The following NCAM2 variants were observed in gnomAD, a reference collection of about 807,000 sequenced individuals.
NCAM2 encodes the protein N-CAM-2.
In NCAM2, 30 loss-of-function variants were observed where a neutral mutation model predicts 98.1. That is an observed-to-expected ratio of 0.31 (90% CI 0.23 to 0.41). The LOEUF (loss-of-function observed/expected upper bound fraction) is 0.41, where lower values mean the gene tolerates loss of function less well. Ranked by LOEUF, NCAM2 falls within the 10% of genes least tolerant of loss-of-function variation. The pLI is 1.00. For synonymous variants in NCAM2, 368 were observed against 342.4 expected, an observed-to-expected ratio of 1.07 and a Z score of -0.83; for missense variants, 867 against 1,005.8, an observed-to-expected ratio of 0.86 and a Z score of 1.87.
At chr21:21,035,634 C>G (rs574451656) in intron 1 of NCAM2, among the ~76,000 whole-genome samples, 15 of 151,762 alleles carry the variant, frequency 9.9e-5, no homozygotes, top group Non-Finnish European at 1.6e-4. Context: ...AGTTTTTTTT[C>G]CATTGAATTT....
chr21:21,468,972 A>G (rs1984080853), intron 14 of NCAM2, among the ~76,000 whole-genome samples, 189 bp downstream of exon 14: 1 of 151,894 alleles, frequency 6.6e-6, no homozygotes, highest in Admixed American at 6.6e-5. Flanking sequence ...CTAAGCATGG[A>G]TCATCAAAGT....
intron 15 of NCAM2, among the ~76,000 whole-genome samples, chr21:21,479,468 C>T (rs1476215548): frequency 6.6e-6 from 1 of 150,752 alleles, no homozygotes; most frequent in African/African-American, 2.4e-5. Context: ...CCTGTAGTCC[C>T]AGCTACTCTA....
At chr21:21,115,957 TTGTG>T (rs58824475) in intron 1 of NCAM2, among the ~76,000 whole-genome samples, 31,609 of 147,008 alleles carry the variant, frequency 0.22, 3,363 homozygotes, top group Non-Finnish European at 0.24. Context: ...CTCTGAGATT[TTGTG>T]TGTGTGTGTG....
chr21:21,390,486 C>T (rs1007718096), intron 9 of NCAM2, among the ~76,000 whole-genome samples: 9 of 152,042 alleles, frequency 5.9e-5, no homozygotes, highest in African/African-American at 2.2e-4. Context: ...AAGGCAGAAG[C>T]AAGGGAGGGA....
intron 1 of NCAM2, among the ~76,000 whole-genome samples, chr21:21,212,794 G>C (rs1044514056): frequency 2.0e-5 from 3 of 147,608 alleles, no homozygotes; most frequent in Non-Finnish European, 3.0e-5. Context: ...CCAGGCTGGA[G>C]TGCAGTGGCA....
At chr21:21,080,221 G>A (rs1197444086) in intron 1 of NCAM2, among the ~76,000 whole-genome samples, 1 of 152,112 alleles carries the variant, frequency 6.6e-6, no homozygotes, top group East Asian at 1.9e-4. Flanking sequence ...TTAAACTTGT[G>A]CAGTATTTTT....
At chr21:21,083,050 T>C (rs2146414785) in intron 1 of NCAM2, among the ~76,000 whole-genome samples, 1 of 152,318 alleles carries the variant, frequency 6.6e-6, no homozygotes, top group African/African-American at 2.4e-5. Context: ...TCTCTGTAAA[T>C]TTGTCTCTCT....
intron 1 of NCAM2, among the ~76,000 whole-genome samples, chr21:21,049,781 G>A (rs1489173760): frequency 6.6e-6 from 1 of 151,826 alleles, no homozygotes; most frequent in Non-Finnish European, 1.5e-5. Flanking sequence ...TGAGGCAGGA[G>A]AATTGCTTGA....
chr21:21,362,364 G>A (rs1039461724), intron 8 of NCAM2, among the ~76,000 whole-genome samples: 1 of 151,204 alleles, frequency 6.6e-6, no homozygotes, highest in Non-Finnish European at 1.5e-5. Flanking sequence ...TCCATTTGCT[G>A]TGACAACCTG....
chr21:21,525,328 G>C (rs1187211064), intron 16 of NCAM2, among the ~76,000 whole-genome samples: 1 of 152,028 alleles, frequency 6.6e-6, no homozygotes, highest in African/African-American at 2.4e-5. Flanking sequence ...CAGAAATAAA[G>C]AAGGAATAAC....
intron 1 of NCAM2, among the ~76,000 whole-genome samples, chr21:21,020,292 T>C (rs1345347812): frequency 6.6e-6 from 1 of 152,138 alleles, no homozygotes; most frequent in Admixed American, 6.5e-5. Context: ...CGCCTCGGCC[T>C]CCCAAAGAGC....
At chr21:21,014,441 A>T (rs1044055582) in intron 1 of NCAM2, among the ~76,000 whole-genome samples, 1 of 151,662 alleles carries the variant, frequency 6.6e-6, no homozygotes, top group Non-Finnish European at 1.5e-5. Flanking sequence ...AAAAAAAAAA[A>T]TTATGCCAAA....
intron 1 of NCAM2, among the ~76,000 whole-genome samples, chr21:21,161,272 C>T (rs981262841): frequency 4.6e-5 from 7 of 151,864 alleles, no homozygotes; most frequent in South Asian, 2.1e-4. Flanking sequence ...AATTTTAAGA[C>T]GGAAAAAGGA....
At chr21:21,061,192 T>C (rs1241543081) in intron 1 of NCAM2, among the ~76,000 whole-genome samples, 1 of 152,164 alleles carries the variant, frequency 6.6e-6, no homozygotes, top group Non-Finnish European at 1.5e-5. Flanking sequence ...CTGCAGATAA[T>C]TTGATATTTC....
intron 8 of NCAM2, among the ~76,000 whole-genome samples, chr21:21,351,282 A>G (rs1264532561): frequency 6.6e-6 from 1 of 152,072 alleles, no homozygotes; most frequent in South Asian, 2.1e-4. Context: ...ATTATTGGCG[A>G]TATTTCCATT....
intron 1 of NCAM2, among the ~76,000 whole-genome samples, chr21:21,268,339 C>T (rs902001370): frequency 6.6e-6 from 1 of 152,176 alleles, no homozygotes; most frequent in Non-Finnish European, 1.5e-5. Flanking sequence ...TGGGACATTG[C>T]ACCTTCCCAC....
chr21:21,052,320 C>T (rs575874637), intron 1 of NCAM2, among the ~76,000 whole-genome samples: 14 of 152,100 alleles, frequency 9.2e-5, no homozygotes, highest in African/African-American at 2.4e-4. Flanking sequence ...CCCGCCACCA[C>T]GCCTGGCTAA....
At chr21:21,448,335 T>A (rs994235582) in intron 12 of NCAM2, among the ~76,000 whole-genome samples, 1 of 151,806 alleles carries the variant, frequency 6.6e-6, no homozygotes, top group Non-Finnish European at 1.5e-5. Context: ...AAGTGGGAGA[T>A]GAACAATGAG....
At chr21:21,052,252 C>T (rs1288381862) in intron 1 of NCAM2, among the ~76,000 whole-genome samples, 1 of 151,286 alleles carries the variant, frequency 6.6e-6, no homozygotes, top group Non-Finnish European at 1.5e-5. Context: ...CAAGCTCCGC[C>T]TCCCGGGTTC....
Sources: allele counts gnomAD v4.1 joint callset (sites outside exome capture counted in the v4.1 genomes callset), GRCh38; gene constraint gnomAD v4.1.1; transcripts MANE v1.5; gene names NCBI Gene and HGNC (gene_info 2026-07-23, HGNC 2026-07-21).